Variants in NR3C2 observed in about 807,000 individuals in gnomAD.
NR3C2 encodes the protein nuclear receptor subfamily 3 group C member 2, also known as mineralocorticoid receptor.
NR3C2 carries 15 observed loss-of-function variants against 86.4 expected under a neutral mutation model. That is an observed-to-expected ratio of 0.17 (90% CI 0.12 to 0.27). The LOEUF (loss-of-function observed/expected upper bound fraction) is 0.27, where lower values mean the gene tolerates loss of function less well. Among genes scored for constraint, NR3C2 ranks in the 10% least tolerant of loss-of-function variants. The pLI, the probability that NR3C2 is intolerant of heterozygous loss-of-function variation, is 1.00. For missense variants in NR3C2, 960 were observed against 1,195.6 expected, an observed-to-expected ratio of 0.80 and a Z score of 2.91; for synonymous variants, 458 against 450.5, an observed-to-expected ratio of 1.02 and a Z score of -0.21.
intron 4 of NR3C2, among the ~76,000 whole-genome samples, chr4:148,155,401 C>G (rs1734323942): frequency 6.6e-6 from 1 of 152,182 alleles, no homozygotes; most frequent in Non-Finnish European, 1.5e-5. Flanking sequence ...AGCTGATAAG[C>G]AACTTCAGCA....
intron 2 of NR3C2, among the ~76,000 whole-genome samples, chr4:148,269,308 T>A (rs755885494): frequency 4.6e-5 from 7 of 152,194 alleles, no homozygotes; most frequent in Non-Finnish European, 7.3e-5. Context: ...AGGACAAGAC[T>A]GAAGGCTCAC....
At position 148,284,903 on chromosome 4, in the gene NR3C2, T is replaced by C. The variant is rs181379229; in HGVS notation, c.1758-24786A>G. ...AAAGTCTTCTCACTATTGGTCATTGTTCTCATTTCATATACAAAAAACTCA... is the reference window on the plus strand; with the variant it reads ...AAAGTCTTCTCACTATTGGTCATTGCTCTCATTTCATATACAAAAAACTCA... On this transcript the variant is annotated intron_variant, in intron 2 of 8. Coordinates refer to ENST00000358102, the MANE Select transcript of NR3C2 (RefSeq NM_000901.5). Among the ~76,000 whole-genome samples, 9 of 152,326 alleles carry C rather than the reference T, an allele frequency of 5.9e-5. No homozygotes were observed. The East Asian group carries it at 1.5e-3, about 26-fold the overall frequency.
intron 8 of NR3C2, among the ~76,000 whole-genome samples, chr4:148,092,396 C>A (rs1002278221): frequency 1.3e-5 from 2 of 152,144 alleles, no homozygotes; most frequent in African/African-American, 2.4e-5. Context: ...ATGGAGGAAT[C>A]ACCTGTCTTA....
intron 3 of NR3C2, among the ~76,000 whole-genome samples, chr4:148,221,019 T>C (rs879715014): frequency 2.0e-5 from 3 of 150,906 alleles, no homozygotes; most frequent in Non-Finnish European, 4.4e-5. Context: ...AACTGAAACA[T>C]GTACCAAGAA....
intron 2 of NR3C2, among the ~76,000 whole-genome samples, chr4:148,333,536 T>TAAAAAAAAAAAAAA (rs372805275): frequency 2.6e-5 from 4 of 151,564 alleles, no homozygotes; most frequent in East Asian, 1.9e-4. Context: ...AAAGTCTCCT[T>TAAAAAAAAAAAAAA]AAAATCTCCC....
intron 2 of NR3C2, among the ~76,000 whole-genome samples, chr4:148,416,948 T>C (rs1056453034): frequency 9.2e-5 from 14 of 152,194 alleles, no homozygotes; most frequent in Admixed American, 4.6e-4. Context: ...GCTAATTTTT[T>C]GTATTTTTAG....
At chr4:148,131,787 G>A (rs1733055355) in intron 6 of NR3C2, among the ~76,000 whole-genome samples, 1 of 152,162 alleles carries the variant, frequency 6.6e-6, no homozygotes, top group Non-Finnish European at 1.5e-5. Context: ...TCTAGTAATA[G>A]TTAAAAGCTA....
intron 3 of NR3C2, among the ~76,000 whole-genome samples, chr4:148,254,350 T>C (rs1262856651): frequency 1.3e-5 from 2 of 152,214 alleles, no homozygotes; most frequent in African/African-American, 2.4e-5. Context: ...TGAAAGTTTA[T>C]ACAGTGGTAA....
intron 4 of NR3C2, among the ~76,000 whole-genome samples, chr4:148,162,018 G>A (rs1734684747): frequency 6.6e-6 from 1 of 152,112 alleles, no homozygotes; most frequent in Non-Finnish European, 1.5e-5. Context: ...TTGGTGTGAG[G>A]CAGATTACAC....
At chr4:148,136,523 C>T (rs1352450734) in intron 6 of NR3C2, among the ~76,000 whole-genome samples, 1 of 152,180 alleles carries the variant, frequency 6.6e-6, no homozygotes. Context: ...GCATCTCACG[C>T]CTGGATTGTA....
At position 148,418,361 on chromosome 4, in the gene NR3C2, T is replaced by C. The variant is rs66506646; in HGVS notation, c.1757+16743A>G. Among the ~76,000 whole-genome samples the C allele has an allele frequency of 6.3e-3, 953 of 152,294 alleles. 10 individuals carry two copies. Among genetic ancestry groups the C allele is most frequent in the African/African-American group, 0.022 (926 of 41,566 alleles). On this transcript the variant is annotated intron_variant, in intron 2 of 8. Transcript: ENST00000358102. ...ACAATGCTTTTCAATCAAACCACCA[T>C]GGAGCATGTGATATATGTAAATGTT... is the stretch of plus-strand genomic sequence containing the variant.
Position 148,126,842 on chromosome 4 carries a change from G to C in NR3C2, c.2511-6554C>G, listed in dbSNP as rs184613029. 9.8e-4 allele frequency among the ~76,000 whole-genome samples: 150 copies of C among 152,302 alleles called. 1 individual carries two copies. Among genetic ancestry groups the C allele is most frequent in the African/African-American group, 3.5e-3 (144 of 41,580 alleles). Reference sequence around the variant, plus strand: ...TTCTTGCTAAATCTCAAAATGCCCTGTGAGGAATTATTCTCATATTCATGA... The same window carrying C: ...TTCTTGCTAAATCTCAAAATGCCCTCTGAGGAATTATTCTCATATTCATGA... On this transcript the variant is annotated intron_variant, in intron 6 of 8. Transcript: ENST00000358102.
intron 2 of NR3C2, among the ~76,000 whole-genome samples, chr4:148,297,992 G>C (rs1561026078): frequency 6.6e-6 from 1 of 152,146 alleles, no homozygotes; most frequent in Non-Finnish European, 1.5e-5. Context: ...CTGTTGGAAG[G>C]AGTGTAAAGT....
intron 2 of NR3C2, among the ~76,000 whole-genome samples, chr4:148,301,311 T>C (rs1216153541): frequency 6.6e-6 from 1 of 152,210 alleles, no homozygotes; most frequent in African/African-American, 2.4e-5. Context: ...CTGTGGTACC[T>C]TCTGGCCCAT....
rs1730537610 is a variant in NR3C2 at position 148,081,211 on chromosome 4, G to T, written c.*133C>A. 3 of 1,287,884 alleles carry T rather than the reference G, an allele frequency of 2.3e-6. No homozygotes were observed. Among genetic ancestry groups the T allele is most frequent in the Non-Finnish European group, 3.3e-6 (3 of 905,288 alleles). The allele number at this position is 1,287,884 out of a possible 1,614,324, so 79.8% of individuals were successfully genotyped here. A position where few individuals can be genotyped will look rare whatever the true frequency, so the allele number is the denominator to read the frequency against. ...TTTCCCGGCTCCAAACCTCTGACAT[G>T]ACTTTAAACTTGAGAAACTGTTGAA... On this transcript the variant is annotated 3_prime_UTR_variant, in exon 9 of 9. Transcript: ENST00000358102.
chr4:148,330,679 C>T (rs1243820849), intron 2 of NR3C2, among the ~76,000 whole-genome samples: 1 of 152,186 alleles, frequency 6.6e-6, no homozygotes, highest in African/African-American at 2.4e-5. Flanking sequence ...CAAAGGTTTA[C>T]ACACGTTGTA....
chr4:148,316,545 T>C (rs969529498), intron 2 of NR3C2, among the ~76,000 whole-genome samples: 2 of 152,176 alleles, frequency 1.3e-5, no homozygotes, highest in Admixed American at 1.3e-4. Flanking sequence ...AAGTTATCTG[T>C]GAACATTTTG....
At chr4:148,424,238 A>T (rs1560726841) in intron 2 of NR3C2, among the ~76,000 whole-genome samples, 1 of 152,220 alleles carries the variant, frequency 6.6e-6, no homozygotes, top group East Asian at 1.9e-4. Flanking sequence ...TTAAACCACA[A>T]TGAGATATCC....
chr4:148,214,776 G>C (rs1004548140), intron 3 of NR3C2, among the ~76,000 whole-genome samples: 5 of 152,222 alleles, frequency 3.3e-5, no homozygotes, highest in African/African-American at 1.2e-4. Context: ...CGTGTTGCCA[G>C]ACCTTTCACT....
Sources: gnomAD v4.1 joint callset for allele counts (sites outside exome capture counted in the v4.1 genomes callset) on GRCh38, gnomAD v4.1.1 for gene constraint, MANE v1.5 for transcripts, NCBI Gene and HGNC (gene_info 2026-07-23, HGNC 2026-07-21) for gene names.